The following MAML2 variants were observed in gnomAD, a reference collection of about 807,000 sequenced individuals.
MAML2 encodes the protein mastermind like transcriptional coactivator 2.
In MAML2, 22 loss-of-function variants were observed where a neutral mutation model predicts 96.1. The observed-to-expected ratio is 0.23, with a 90% CI of 0.16 to 0.33. The LOEUF is 0.33. Ranked by LOEUF, MAML2 falls within the 10% of genes least tolerant of loss-of-function variation. MAML2 has a pLI of 1.00. For synonymous variants in MAML2, 561 were observed against 521.3 expected (o/e 1.08, Z -1.04); for missense variants, 1,367 against 1,392.4 (o/e 0.98, Z 0.29).
intron 1 of MAML2, among the ~76,000 whole-genome samples, chr11:96,160,349 C>T (rs560103179): frequency 6.6e-6 from 1 of 152,154 alleles, no homozygotes; most frequent in Non-Finnish European, 1.5e-5. Context: ...AATCAGAAAG[C>T]TGGATTTGAA....
rs530326965 is a variant in MAML2 at position 96,114,323 on chromosome 11, TGAGAA to T, written c.514-20811_514-20807del. On this transcript the variant is annotated intron_variant, in intron 1 of 4. Transcript: ENST00000524717. The stretch of plus-strand genomic sequence containing the variant: ...CTGAGAAAGGTACCAAGAGTCTTGG[TGAGAA>T]ATCAGTCTAGAGGTACCAGATTTCA... 4.3e-4 allele frequency among the ~76,000 whole-genome samples: 66 copies of T among 152,326 alleles called. No individual in the cohort carries two copies. The East Asian group carries it at 0.012, about 28-fold the overall frequency.
chr11:96,135,023 TTGAA>T (rs1860605695), intron 1 of MAML2, among the ~76,000 whole-genome samples: 1 of 152,232 alleles, frequency 6.6e-6, no homozygotes, highest in Non-Finnish European at 1.5e-5. Context: ...ATGCTATGGT[TTGAA>T]TGTGCCCCAC....
At chr11:96,244,016 T>A (rs1400445110) in intron 1 of MAML2, among the ~76,000 whole-genome samples, 1 of 152,222 alleles carries the variant, frequency 6.6e-6, no homozygotes, top group African/African-American at 2.4e-5. Flanking sequence ...CTTTTCTTTG[T>A]GAAACTGATT....
chr11:96,239,745 T>G (rs764107135), intron 1 of MAML2, among the ~76,000 whole-genome samples: 1 of 152,230 alleles, frequency 6.6e-6, no homozygotes, highest in Non-Finnish European at 1.5e-5. Context: ...AGAGCAGCAG[T>G]GGTGGTCATG....
intron 1 of MAML2, among the ~76,000 whole-genome samples, chr11:96,137,581 C>A (rs1275552085): frequency 3.3e-5 from 5 of 152,258 alleles, no homozygotes; most frequent in East Asian, 3.9e-4. Context: ...TTGTTTCTTG[C>A]CTTTCAGATG....
At position 96,118,540 on chromosome 11, in the gene MAML2, G is replaced by C. The variant is rs146499341; in HGVS notation, c.514-25023C>G. Among the ~76,000 whole-genome samples the C allele has an allele frequency of 3.8e-3, 569 of 150,466 alleles. 6 individuals are homozygous for C. Among genetic ancestry groups the C allele is most frequent in the African/African-American group, 0.013 (536 of 41,268 alleles). On this transcript the variant is annotated intron_variant, in intron 1 of 4. Coordinates refer to ENST00000524717, the MANE Select transcript of MAML2 (RefSeq NM_032427.4). Reference sequence around the variant, plus strand: ...ACCTCTTTCCTTTATAAATTACCCAGTCTCAGGTATGTGTTTATAGCAGTG... The same window carrying C: ...ACCTCTTTCCTTTATAAATTACCCACTCTCAGGTATGTGTTTATAGCAGTG...
intron 4 of MAML2, among the ~76,000 whole-genome samples, chr11:95,984,881 A>T (rs1857801193): frequency 2.0e-5 from 3 of 152,192 alleles, no homozygotes; most frequent in Non-Finnish European, 4.4e-5. Context: ...GTTGCTGAAT[A>T]GGAGAAGGCA....
At chr11:96,255,868 T>C (rs1862659495) in intron 1 of MAML2, among the ~76,000 whole-genome samples, 1 of 70,888 alleles carries the variant, frequency 1.4e-5, no homozygotes, top group African/African-American at 3.6e-5. Context: ...CCACCGCCTT[T>C]TTTTTTTTTT....
At chr11:96,063,236 G>A (rs112661738) in intron 2 of MAML2, among the ~76,000 whole-genome samples, 28 of 152,064 alleles carry the variant, frequency 1.8e-4, no homozygotes, top group East Asian at 9.7e-4. Flanking sequence ...TTCTGTAGGG[G>A]CCCCTTCCTT....
At chr11:96,061,758 T>C (rs1291310915) in intron 2 of MAML2, among the ~76,000 whole-genome samples, 1 of 152,004 alleles carries the variant, frequency 6.6e-6, no homozygotes, top group East Asian at 1.9e-4. Context: ...TCCTTTTTCC[T>C]TTTCTTTCCT....
chr11:96,045,004 C>T (rs1858873546), intron 2 of MAML2, among the ~76,000 whole-genome samples: 1 of 152,022 alleles, frequency 6.6e-6, no homozygotes, highest in South Asian at 2.1e-4. Flanking sequence ...TTTGCCTACA[C>T]AAGAGCACTT....
At chr11:96,084,356 A>T (rs1019223652) in intron 2 of MAML2, among the ~76,000 whole-genome samples, 9 of 152,162 alleles carry the variant, frequency 5.9e-5, no homozygotes, top group African/African-American at 2.2e-4. Flanking sequence ...CTCTGGTTTC[A>T]TGTTGGCAAG....
chr11:95,984,836 A>G (rs2509092), intron 4 of MAML2, among the ~76,000 whole-genome samples: 74,595 of 151,968 alleles, frequency 0.49, 20,653 homozygotes, highest in African/African-American at 0.74. Context: ...AGTGCAGAGC[A>G]TTTTAGACAG....
intron 1 of MAML2, among the ~76,000 whole-genome samples, chr11:96,270,438 T>C (rs1182158649): frequency 1.3e-5 from 2 of 152,202 alleles, no homozygotes; most frequent in African/African-American, 2.4e-5. Context: ...GCCTCCCGAA[T>C]AGCTGGGATT....
chr11:96,097,655 A>T (rs76544635), intron 1 of MAML2, among the ~76,000 whole-genome samples: 3,700 of 152,298 alleles, frequency 0.024, 154 homozygotes, highest in African/African-American at 0.083. Context: ...ACTGTTTCAA[A>T]ATATATTAAT....
chr11:96,071,774 C>T (rs1859348327), intron 2 of MAML2, among the ~76,000 whole-genome samples: 1 of 152,252 alleles, frequency 6.6e-6, no homozygotes, highest in South Asian at 2.1e-4. Flanking sequence ...ACTCCAAAGG[C>T]CTTCTTTTCT....
chr11:96,081,516 A>C (rs1361239258), intron 2 of MAML2, among the ~76,000 whole-genome samples: 1 of 91,404 alleles, frequency 1.1e-5, no homozygotes, highest in Non-Finnish European at 2.8e-5. Context: ...CATATATTTA[A>C]AAAAAAAACT....
chr11:96,125,914 G>C (rs1860430735), intron 1 of MAML2, among the ~76,000 whole-genome samples: 1 of 152,192 alleles, frequency 6.6e-6, no homozygotes, highest in South Asian at 2.1e-4. Context: ...GTAGATTCTG[G>C]TTGTAATTGT....
intron 1 of MAML2, among the ~76,000 whole-genome samples, chr11:96,180,473 A>G (rs1057491309): frequency 2.6e-5 from 4 of 152,198 alleles, no homozygotes; most frequent in African/African-American, 9.6e-5. Context: ...TGGGTCACAG[A>G]GAGAGACTAC....
Sources: gnomAD v4.1 joint callset for allele counts (sites outside exome capture counted in the v4.1 genomes callset) on GRCh38, gnomAD v4.1.1 for gene constraint, MANE v1.5 for transcripts, NCBI Gene and HGNC (gene_info 2026-07-23, HGNC 2026-07-21) for gene names.